SPAG16: variants seen among roughly 807,000 people sequenced by gnomAD.
SPAG16 encodes the protein sperm-associated antigen 16 protein.
A neutral mutation model predicts 80.4 loss-of-function variants in SPAG16; 86 were observed. The ratio of observed to expected loss-of-function variants is 1.07; its 90% CI spans 0.90 to 1.28. SPAG16 has a LOEUF of 1.28. Ranked by LOEUF, SPAG16 falls within the 50% of genes most tolerant of loss-of-function variation. The probability of loss-of-function intolerance (pLI) is 0.00; values close to 1 mark genes in which losing one functional copy is unlikely to be tolerated. For missense variants in SPAG16, 870 were observed against 765.3 expected (o/e 1.14, Z -1.61); for synonymous variants, 294 against 265.9 (o/e 1.11, Z -1.03).
chr2:213,709,531 CAG>C lies in SPAG16; in HGVS notation c.1071-152953_1071-152952del, dbSNP rs562032627. Among the ~76,000 whole-genome samples the C allele has an allele frequency of 7.6e-4, 116 of 152,168 alleles. 2 individuals carry two copies. Among genetic ancestry groups the C allele is most frequent in the African/African-American group, 2.4e-3 (100 of 41,506 alleles). On this transcript the variant is annotated intron_variant, in intron 10 of 15. Transcript: ENST00000331683. ...ATTAAAAGAGCTTTAATTGATTAAA[CAG>C]GGGTTCATTTTACTTTTGTTAACTT... is the stretch of plus-strand genomic sequence containing the variant.
chr2:214,171,250 G>A (rs2125634320), intron 15 of SPAG16, among the ~76,000 whole-genome samples: 1 of 151,898 alleles, frequency 6.6e-6, no homozygotes, highest in East Asian at 1.9e-4. Flanking sequence ...TAGTTACACT[G>A]GACCTTAATT....
At chr2:213,862,911 G>A (rs546723245) in intron 11 of SPAG16, among the ~76,000 whole-genome samples, 55 of 152,202 alleles carry the variant, frequency 3.6e-4, no homozygotes, top group African/African-American at 1.3e-3. Flanking sequence ...TTGTGCTCAC[G>A]AGCCCTGACA....
At chr2:213,638,617 T>G (rs1429985518) in intron 10 of SPAG16, among the ~76,000 whole-genome samples, 1 of 152,206 alleles carries the variant, frequency 6.6e-6, no homozygotes, top group Non-Finnish European at 1.5e-5. Flanking sequence ...GTACTTGATA[T>G]AATTTTATTT....
Position 213,643,065 on chromosome 2 carries a change from G to A in SPAG16, c.1070+152975G>A, listed in dbSNP as rs1050482348. Among the ~76,000 whole-genome samples, 7 of 144,974 alleles carry A rather than the reference G, an allele frequency of 4.8e-5. No individual in the cohort carries two copies. The East Asian group carries it at 6.1e-4, about 13-fold the overall frequency. On this transcript the variant is annotated intron_variant, in intron 10 of 15. Coordinates refer to ENST00000331683, the MANE Select transcript of SPAG16 (RefSeq NM_024532.5). ...TATGTGTGTGTGTATGTGTGTGTGT[G>A]TATATATATATATATATCCATTAGT... is the stretch of plus-strand genomic sequence containing the variant.
chr2:213,814,362 A>G lies in SPAG16; in HGVS notation c.1071-48123A>G, dbSNP rs57824653. ...GTCTACCAATTTAAATGTTAATTAC[A>G]TCTAAAAATATACCTTTATAACAAC... On this transcript the variant is annotated intron_variant, in intron 10 of 15. Transcript: ENST00000331683. 8.8e-3 allele frequency among the ~76,000 whole-genome samples: 1,340 copies of G among 152,308 alleles called. 24 individuals carry two copies. The highest frequency in any genetic ancestry group is 0.029 in the African/African-American group (1,218 of 41,562).
At chr2:213,385,313 C>G (rs1468745324) in intron 9 of SPAG16, among the ~76,000 whole-genome samples, 1 of 152,116 alleles carries the variant, frequency 6.6e-6, no homozygotes, top group Admixed American at 6.6e-5. Flanking sequence ...GCCATCCTAG[C>G]TTCACATAAA....
At chr2:214,054,618 A>T (rs955862153) in intron 13 of SPAG16, among the ~76,000 whole-genome samples, 3 of 151,804 alleles carry the variant, frequency 2.0e-5, no homozygotes, top group East Asian at 1.9e-4. Context: ...TATTTCTATA[A>T]TTTTTTTTGC....
chr2:213,494,448 ATT>A (rs1289833551), intron 10 of SPAG16, among the ~76,000 whole-genome samples: 1 of 152,182 alleles, frequency 6.6e-6, no homozygotes, highest in African/African-American at 2.4e-5. Context: ...CCTAGGAGTC[ATT>A]TTAATTCCTC....
chr2:214,283,118 T>TTAATAATTAC (rs1021000471), intron 15 of SPAG16, among the ~76,000 whole-genome samples: 4 of 152,076 alleles, frequency 2.6e-5, no homozygotes, highest in African/African-American at 7.2e-5. Flanking sequence ...GTGATAATTA[T>TTAATAATTAC]TAATAATTAT....
intron 15 of SPAG16, among the ~76,000 whole-genome samples, chr2:214,198,048 T>C (rs2057897631): frequency 6.6e-6 from 1 of 152,066 alleles, no homozygotes; most frequent in East Asian, 1.9e-4. Flanking sequence ...TTGTTTTCAC[T>C]TTATTTCAAA....
chr2:213,598,349 T>C (rs766454905), intron 10 of SPAG16, among the ~76,000 whole-genome samples: 1 of 152,178 alleles, frequency 6.6e-6, no homozygotes, highest in Non-Finnish European at 1.5e-5. Flanking sequence ...AATAATGATA[T>C]TTTACCTATA....
intron 11 of SPAG16, among the ~76,000 whole-genome samples, chr2:213,866,283 C>T (rs933021358): frequency 6.6e-6 from 1 of 151,966 alleles, no homozygotes; most frequent in Non-Finnish European, 1.5e-5. Flanking sequence ...ACAGTACTCA[C>T]ATGGTAACAG....
chr2:213,563,140 T>C (rs2059648708), intron 10 of SPAG16, among the ~76,000 whole-genome samples: 1 of 149,172 alleles, frequency 6.7e-6, no homozygotes, highest in African/African-American at 2.6e-5. Context: ...ATTGGGGAGA[T>C]AGCTTCATTT....
chr2:213,994,823 C>A (rs2046441600), intron 12 of SPAG16, among the ~76,000 whole-genome samples: 1 of 152,138 alleles, frequency 6.6e-6, no homozygotes. Flanking sequence ...CAAAGACAGG[C>A]AATTCAGTTA....
chr2:214,167,090 G>A (rs535729155), intron 15 of SPAG16, among the ~76,000 whole-genome samples: 59 of 152,248 alleles, frequency 3.9e-4, no homozygotes, highest in African/African-American at 1.4e-3. Context: ...AGTTAATAAA[G>A]CTTAACTCCT....
chr2:214,393,668 A>T (rs1701210135), intron 15 of SPAG16, among the ~76,000 whole-genome samples: 1 of 152,082 alleles, frequency 6.6e-6, no homozygotes, highest in African/African-American at 2.4e-5. Context: ...TTTGCGTTTG[A>T]TTGGAACAAA....
intron 10 of SPAG16, among the ~76,000 whole-genome samples, chr2:213,820,401 G>C (rs2072868412): frequency 6.6e-6 from 1 of 152,022 alleles, no homozygotes; most frequent in Non-Finnish European, 1.5e-5. Context: ...GTAGCTTACA[G>C]ATTCTTCAGT....
intron 10 of SPAG16, among the ~76,000 whole-genome samples, chr2:213,583,755 A>G (rs1445683921): frequency 1.3e-5 from 2 of 152,208 alleles, no homozygotes; most frequent in Non-Finnish European, 2.9e-5. Flanking sequence ...GATCTTCATT[A>G]TGATATCTTG....
intron 10 of SPAG16, among the ~76,000 whole-genome samples, chr2:213,643,162 G>A (rs940802242): frequency 3.3e-5 from 5 of 150,564 alleles, no homozygotes; most frequent in Non-Finnish European, 7.4e-5. Flanking sequence ...TTTTTGTCTG[G>A]GGAAGTCTTT....
Sources: gnomAD v4.1 joint callset for allele counts (sites outside exome capture counted in the v4.1 genomes callset) on GRCh38, gnomAD v4.1.1 for gene constraint, MANE v1.5 for transcripts, NCBI Gene and HGNC (gene_info 2026-07-23, HGNC 2026-07-21) for gene names.